The following DEPDC1 variants were observed in gnomAD, a reference collection of about 807,000 sequenced individuals.
DEPDC1 encodes the protein DEP domain-containing protein 1A.
A neutral mutation model predicts 86.8 loss-of-function variants in DEPDC1; 66 were observed. The ratio of observed to expected loss-of-function variants is 0.76; its 90% CI spans 0.62 to 0.93. The LOEUF (loss-of-function observed/expected upper bound fraction) is 0.93. Ranked by LOEUF, DEPDC1 falls within the 40% of genes least tolerant of loss-of-function variation. DEPDC1 has a pLI of 0.00. For synonymous variants in DEPDC1, 255 were observed against 314.9 expected, an observed-to-expected ratio of 0.81 and a Z score of 2.02; for missense variants, 792 against 935.7, an observed-to-expected ratio of 0.85 and a Z score of 2.00.
Position 68,484,076 on chromosome 1 carries a change from C to T in DEPDC1, c.784G>A (p.Asp262Asn). ...CCAACATAAGTTGGATTATTCATAT[C>T]ATTGCTTCTTGGCCCTAAGAAGTAG... ...KCLANWPRSN[D>N]MNNPTYVGFE... The change falls in exon 7 of 12, where the codon GAT becomes AAT. Residue 262 changes from aspartate (D) to asparagine (N), a missense_variant. Asp to Asn is a conservative substitution (Grantham distance 23). Coordinates refer to ENST00000456315, the MANE Select transcript of DEPDC1 (RefSeq NM_001114120.3). 1 of 1,569,972 alleles carries T rather than the reference C, an allele frequency of 6.4e-7. No homozygotes were observed. Among genetic ancestry groups the T allele is most frequent in the Non-Finnish European group, 8.6e-7 (1 of 1,164,522 alleles).
chr1:68,483,867 A>T, intron 7 of DEPDC1, 83 bp downstream of exon 7: 1 of 911,938 alleles, frequency 1.1e-6, no homozygotes, highest in Non-Finnish European at 1.6e-6. Flanking sequence ...CTTTATATTT[A>T]CCTATGGTTT....
chr1:68,477,118 G>C (rs1646121143), intron 11 of DEPDC1, 49 bp from the exon 12 acceptor site: 1 of 1,470,134 alleles, frequency 6.8e-7, no homozygotes, highest in Admixed American at 1.8e-5. Context: ...TATTTCCCAA[G>C]CTGAAGCAGT....
At chr1:68,484,973 C>T (rs1455438673) in intron 6 of DEPDC1, among the ~76,000 whole-genome samples, 1 of 151,150 alleles carries the variant, frequency 6.6e-6, no homozygotes, top group African/African-American at 2.4e-5. Context: ...AGATTCCTGA[C>T]CTACAGAATC....
At position 68,484,028 on chromosome 1, in the gene DEPDC1, TTCTGAATACATCTCGTTCAAA is replaced by T. The variant is rs1646175853; in HGVS notation, c.811_831del (p.Phe271_Arg277del). ...AGATCTAGAAAATAATCTGCGATTG[TTCTGAATACATCTCGTTCAAA>T]TCCAACATAAGTTGGATTATTCATA... is the stretch of plus-strand genomic sequence containing the variant. On this transcript the variant is annotated inframe_deletion, in exon 7 of 12. Coordinates refer to ENST00000456315, the MANE Select transcript of DEPDC1 (RefSeq NM_001114120.3). The T allele has an allele frequency of 6.3e-7, 1 of 1,584,812 alleles. No homozygotes were observed. Among genetic ancestry groups the T allele is most frequent in the Admixed American group, 1.8e-5 (1 of 55,184 alleles).
intron 10 of DEPDC1, 90 bp downstream of exon 10, chr1:68,479,054 A>G: frequency 8.6e-7 from 1 of 1,164,030 alleles, no homozygotes; most frequent in South Asian, 1.6e-5. Context: ...GGGAGCTGAT[A>G]AAGTCTCCCT....
chr1:68,481,687 T>C (rs985771607), intron 8 of DEPDC1, 75 bp from the exon 9 acceptor site: 8 of 1,161,498 alleles, frequency 6.9e-6, no homozygotes, highest in Non-Finnish European at 9.4e-6. Context: ...TATACAGCTA[T>C]ATAAAGAAGG....
Position 68,488,382 on chromosome 1 carries a change from T to C in DEPDC1, c.713A>G (p.Asn238Ser). 6.3e-7 allele frequency: 1 copy of C among 1,581,470 alleles called. No individual in the cohort carries two copies. Among genetic ancestry groups the C allele is most frequent in the South Asian group, 1.2e-5 (1 of 83,722 alleles). Residue 238 changes from asparagine to serine, a missense_variant, in exon 5 of 12, where the codon AAC (asparagine) becomes AGC (serine). By Grantham distance (46) the Asn-to-Ser change is conservative. Coordinates refer to ENST00000456315, the MANE Select transcript of DEPDC1 (RefSeq NM_001114120.3). Reference sequence around the variant, plus strand: ...ATTTTATTAATACCAACCTGATTTGTTTTGTAGTATAACTACTCCACGTTT... The same window carrying C: ...ATTTTATTAATACCAACCTGATTTGCTTTGTAGTATAACTACTCCACGTTT... ...TSKRGVVILQ[N>S]KSDDLPHWVL...
chr1:68,493,516 G>A (rs1162005345), intron 2 of DEPDC1, among the ~76,000 whole-genome samples: 1 of 152,104 alleles, frequency 6.6e-6, no homozygotes, highest in African/African-American at 2.4e-5. Context: ...GTCTCACGGT[G>A]GAAAAACATT....
rs1646267884 is a variant in DEPDC1, at chr1:68,496,685, A to C, written c.48+267T>G. 2.5e-6 allele frequency: 1 copy of C among 407,958 alleles called. No homozygotes were observed. Among genetic ancestry groups the C allele is most frequent in the African/African-American group, 2.1e-5 (1 of 48,328 alleles). 25.3% of individuals were successfully genotyped at this position (407,958 alleles called of 1,614,324 possible). On this transcript the variant is annotated intron_variant, in intron 1 of 11. Transcript: ENST00000456315. The surrounding 1 kb of genome is among the most constrained non-coding windows in gnomAD (Gnocchi z 4.0). ...GGACGCCGGCCACACCAGGCACAGG[A>C]GTCGCTCCTCATAGCGAGTCTGGTG...
chr1:68,490,466 G>A (rs533004810), intron 2 of DEPDC1, among the ~76,000 whole-genome samples: 1 of 152,110 alleles, frequency 6.6e-6, no homozygotes, highest in African/African-American at 2.4e-5. Context: ...CTATTCCATG[G>A]TGTATATGTA....
intron 8 of DEPDC1, 80 bp from the exon 9 acceptor site, chr1:68,481,692 A>G (rs1219198551): frequency 1.8e-6 from 2 of 1,119,640 alleles, no homozygotes; most frequent in Admixed American, 3.1e-5. Context: ...AGCTATATAA[A>G]GAAGGTAAAA....
At chr1:68,491,184 G>A (rs1046236177) in intron 2 of DEPDC1, among the ~76,000 whole-genome samples, 3 of 152,132 alleles carry the variant, frequency 2.0e-5, no homozygotes, top group African/African-American at 7.2e-5. Flanking sequence ...ATTGACAAAT[G>A]GACTGTAGTT....
rs1646265078 is a variant in DEPDC1, at chr1:68,496,336, G to A, written c.48+616C>T. On this transcript the variant is annotated intron_variant, in intron 1 of 11. Coordinates refer to ENST00000456315, the MANE Select transcript of DEPDC1 (RefSeq NM_001114120.3). This position sits in a 1 kb window ranked among gnomAD's most constrained non-coding sequence, Gnocchi z 4.0. ...CTAACGTCACATAACCAGCACCACA[G>A]TATCCTATAGAACCGAAGACCCAAC... 6.6e-6 allele frequency among the ~76,000 whole-genome samples: 1 copy of A among 152,146 alleles called. No homozygotes were observed. The highest frequency in any genetic ancestry group is 2.1e-4 in the South Asian group (1 of 4,828).
chr1:68,486,881 A>AACAC lies in DEPDC1; in HGVS notation c.769+52_769+55dup, dbSNP rs55915411. ...GGTTCTTGTTAAATACTATCAATAT[A>AACAC]ACACACACACACACACACACACACA... On this transcript the variant is annotated intron_variant, in intron 6 of 11. Coordinates refer to ENST00000456315, the MANE Select transcript of DEPDC1 (RefSeq NM_001114120.3). 7,337 of 1,175,208 alleles carry AACAC rather than the reference A, an allele frequency of 6.2e-3. 12 individuals carry two copies. The highest frequency in any genetic ancestry group is 0.011 in the African/African-American group (686 of 61,484). The allele number at this position is 1,175,208 out of a possible 1,614,324, so 72.8% of individuals were successfully genotyped here.
At chr1:68,483,665 G>C (rs905531573) in intron 7 of DEPDC1, 1 of 255,226 alleles carries the variant, frequency 3.9e-6, no homozygotes, top group Non-Finnish European at 7.5e-6. Flanking sequence ...GGCTATTCTT[G>C]AGGTCTAGCT....
At chr1:68,484,990 G>T (rs1394732912) in intron 6 of DEPDC1, among the ~76,000 whole-genome samples, 2 of 151,444 alleles carry the variant, frequency 1.3e-5, no homozygotes, top group African/African-American at 4.8e-5. Flanking sequence ...AATCTCTGGA[G>T]AGTCTCTTTA....
chr1:68,486,279 A>C (rs1040588660), intron 6 of DEPDC1, among the ~76,000 whole-genome samples: 1 of 152,050 alleles, frequency 6.6e-6, no homozygotes, highest in South Asian at 2.1e-4. Context: ...CTGGTTGTTT[A>C]AAAGTGCGTA....
At chr1:68,486,428 G>A (rs956164771) in intron 6 of DEPDC1, among the ~76,000 whole-genome samples, 1 of 152,014 alleles carries the variant, frequency 6.6e-6, no homozygotes, top group African/African-American at 2.4e-5. Flanking sequence ...GTGGAACCAT[G>A]AGCCAATTAA....
Position 68,476,418 on chromosome 1 carries a change from A to G in DEPDC1, c.*514T>C, listed in dbSNP as rs1379097650. The G allele has an allele frequency of 6.6e-6, 1 of 151,864 alleles. No homozygotes were observed. Among genetic ancestry groups the G allele is most frequent in the Non-Finnish European group, 1.5e-5 (1 of 67,824 alleles). 9.4% of individuals were successfully genotyped at this position (151,864 alleles called of 1,614,324 possible). On this transcript the variant is annotated 3_prime_UTR_variant, in exon 12 of 12. Transcript: ENST00000456315. ...ATATTTTAAAAACACATACATATAT[A>G]TAAATAGATCAAAAGTGGAAAAAGA...
Sources: allele counts gnomAD v4.1 joint callset (sites outside exome capture counted in the v4.1 genomes callset), GRCh38; gene constraint gnomAD v4.1.1; non-coding constraint Gnocchi (gnomAD v3.1); transcripts MANE v1.5; gene names NCBI Gene and HGNC (gene_info 2026-07-23, HGNC 2026-07-21).